SPPL2A: variants seen among roughly 807,000 people sequenced by gnomAD.
SPPL2A encodes signal peptide peptidase-like 2A.
In SPPL2A, 51 loss-of-function variants were observed where a neutral mutation model predicts 63.8. That is an observed-to-expected ratio of 0.80 (90% CI 0.64 to 1.01). The LOEUF (loss-of-function observed/expected upper bound fraction) is 1.01, where lower values mean the gene tolerates loss of function less well. Ranked by LOEUF, SPPL2A falls within the 50% of genes least tolerant of loss-of-function variation. SPPL2A has a pLI of 0.00. For missense variants in SPPL2A, 553 were observed against 622.7 expected (o/e 0.89, Z 1.19); for synonymous variants, 188 against 205.8 (o/e 0.91, Z 0.74).
intron 1 of SPPL2A, among the ~76,000 whole-genome samples, chr15:50,755,991 T>C (rs2062954346): frequency 6.6e-6 from 1 of 152,010 alleles, no homozygotes; most frequent in Non-Finnish European, 1.5e-5. Flanking sequence ...AGTAACAAGG[T>C]TATAAAAGAA....
At chr15:50,739,247 C>T (rs1315377897) in intron 6 of SPPL2A, among the ~76,000 whole-genome samples, 2 of 143,750 alleles carry the variant, frequency 1.4e-5, no homozygotes, top group African/African-American at 2.6e-5. Flanking sequence ...GGCGCAATGT[C>T]GGCTCACTGC....
chr15:50,737,458 G>C (rs754647527), intron 6 of SPPL2A, among the ~76,000 whole-genome samples: 2 of 152,000 alleles, frequency 1.3e-5, no homozygotes, highest in Non-Finnish European at 2.9e-5. Flanking sequence ...TTAACAAAAT[G>C]AGTTTTTTTT....
In SPPL2A at chr15:50,759,514, C is replaced by A. The variant is rs192100336; in HGVS notation, c.66+5954G>T. On this transcript the variant is annotated intron_variant, in intron 1 of 14. Transcript: ENST00000261854. ...ATCCCAACATTTTGGGAGGCCGAGG[C>A]AGGTGGATCACAAGGTCAGGAGAAC... 6.1e-3 allele frequency among the ~76,000 whole-genome samples: 933 copies of A among 152,162 alleles called. 12 individuals carry two copies. Among genetic ancestry groups the A allele is most frequent in the African/African-American group, 0.022 (895 of 41,530 alleles).
chr15:50,728,266 C>G (rs4511475), intron 10 of SPPL2A, among the ~76,000 whole-genome samples: 37,831 of 152,170 alleles, frequency 0.25, 5,697 homozygotes, highest in East Asian at 0.55. Flanking sequence ...TGAGATCTCT[C>G]ATGGGGTATC....
At chr15:50,744,933 AAATT>A (rs1459186590) in intron 5 of SPPL2A, among the ~76,000 whole-genome samples, 1 of 152,202 alleles carries the variant, frequency 6.6e-6, no homozygotes, top group African/African-American at 2.4e-5. Context: ...TAATCTGCAT[AAATT>A]AATTAGAACT....
At chr15:50,731,826 G>A (rs1170490624) in intron 9 of SPPL2A, among the ~76,000 whole-genome samples, 3 of 146,966 alleles carry the variant, frequency 2.0e-5, no homozygotes, top group Non-Finnish European at 4.4e-5. Flanking sequence ...TACTTGGGAG[G>A]CTGAGACAGG....
intron 1 of SPPL2A, among the ~76,000 whole-genome samples, chr15:50,753,418 C>T (rs183430313): frequency 1.1e-4 from 17 of 152,152 alleles, no homozygotes; most frequent in Admixed American, 8.5e-4. Flanking sequence ...TGCATAGCTT[C>T]GAAAATTCAG....
rs139684176 is a variant in SPPL2A, at chr15:50,736,191, C to T, written c.842G>A (p.Arg281His). ...AAGTCTCACTTCCATGTTTTTGCCACGACATGCAATCCTAAAAAACAGATT... is the reference window on the plus strand; with the variant it reads ...AAGTCTCACTTCCATGTTTTTGCCATGACATGCAATCCTAAAAAACAGATT... Reference protein sequence around the residue: ...IPYGQCTIACRGKNMEVRLIF... With the variant: ...IPYGQCTIACHGKNMEVRLIF... The change falls in exon 8 of 15, where the codon CGT becomes CAT. Residue 281 changes from arginine (R) to histidine (H), a missense_variant. Transcript: ENST00000261854. 1,768 of 1,605,558 alleles carry T rather than the reference C, an allele frequency of 1.1e-3. 3 individuals are homozygous for T. Among genetic ancestry groups the T allele is most frequent in the Non-Finnish European group, 1.5e-3 (1,713 of 1,172,768 alleles).
At chr15:50,746,424 G>A (rs1297585347) in intron 5 of SPPL2A, among the ~76,000 whole-genome samples, 37 of 122,110 alleles carry the variant, frequency 3.0e-4, no homozygotes, top group African/African-American at 1.0e-3. Context: ...GCAACAGAGC[G>A]AGACTCTGTA....
At chr15:50,718,381 C>T (rs1027898283) in intron 14 of SPPL2A, among the ~76,000 whole-genome samples, 1 of 152,168 alleles carries the variant, frequency 6.6e-6, no homozygotes. Flanking sequence ...CACTCATAAA[C>T]ATTTGCTAAA....
At chr15:50,737,743 G>A (rs1262052852) in intron 6 of SPPL2A, among the ~76,000 whole-genome samples, 1 of 152,038 alleles carries the variant, frequency 6.6e-6, no homozygotes, top group Non-Finnish European at 1.5e-5. Context: ...GAGAGCCACC[G>A]CATCTGGCCA....
At chr15:50,763,806 G>A (rs966501813) in intron 1 of SPPL2A, among the ~76,000 whole-genome samples, 1 of 152,214 alleles carries the variant, frequency 6.6e-6, no homozygotes, top group Non-Finnish European at 1.5e-5. Flanking sequence ...GCTGAGGCAG[G>A]AGAATTGCTT....
chr15:50,732,692 CA>C lies in SPPL2A; in HGVS notation c.933-9del. On this transcript the variant is annotated splice_polypyrimidine_tract_variant and intron_variant, in intron 8 of 14. Coordinates refer to ENST00000261854, the MANE Select transcript of SPPL2A (RefSeq NM_032802.4). ...TGTAAAATCCAAGCCCACCTAAAAT[CA>C]AAAAATATTACTCTATTGCTTTATC... The C allele has an allele frequency of 3.9e-6, 6 of 1,552,442 alleles. No homozygotes were observed. Among genetic ancestry groups the C allele is most frequent in the South Asian group, 1.1e-5 (1 of 88,646 alleles).
chr15:50,750,842 G>A (rs759729711), intron 1 of SPPL2A, among the ~76,000 whole-genome samples: 5 of 152,112 alleles, frequency 3.3e-5, no homozygotes, highest in African/African-American at 7.2e-5. Context: ...TTCTAAACCC[G>A]TAAGGAAGGA....
rs1307403504 is a variant in SPPL2A, at chr15:50,736,111, T to C, written c.922A>G (p.Asn308Asp). The C allele has an allele frequency of 3.1e-6, 5 of 1,601,778 alleles. No homozygotes were observed. The highest frequency in any genetic ancestry group is 1.3e-5 in the African/African-American group (1 of 74,650). The stretch of plus-strand genomic sequence containing the variant: ...ATTGAGTATTCATACCTGTCTTCAT[T>C]TCGAAACACAGCCCAAACAACAGCT... Reference protein sequence around the residue: ...AVAVVWAVFRNEDRWAWILQD... With the variant: ...AVAVVWAVFRDEDRWAWILQD... The change falls in exon 8 of 15, where the codon AAT becomes GAT. Residue 308 changes from asparagine (N) to aspartate (D), a missense_variant. Asn to Asp is a conservative substitution (Grantham distance 23). Transcript: ENST00000261854.
rs1224960123 is a variant in SPPL2A, at chr15:50,705,738, A to G, written c.*2062T>C. ...GCAATTTATTCAGCAAAAGCGAACA[A>G]TTTTTAAAAAGTCTCTAATGCAAAA... On this transcript the variant is annotated 3_prime_UTR_variant, in exon 15 of 15. Coordinates refer to ENST00000261854, the MANE Select transcript of SPPL2A (RefSeq NM_032802.4). 1.3e-5 allele frequency: 2 copies of G among 152,246 alleles called. No individual in the cohort carries two copies. The highest frequency in any genetic ancestry group is 2.9e-5 in the Non-Finnish European group (2 of 68,040). The allele number at this position is 152,246 out of a possible 1,614,324, so 9.4% of individuals were successfully genotyped here. A position where few individuals can be genotyped will look rare whatever the true frequency, so the allele number is the denominator to read the frequency against.
At chr15:50,712,196 T>C (rs2062564364) in intron 14 of SPPL2A, among the ~76,000 whole-genome samples, 1 of 152,206 alleles carries the variant, frequency 6.6e-6, no homozygotes, top group African/African-American at 2.4e-5. Flanking sequence ...GAGGCATATA[T>C]AAATACCTGC....
chr15:50,754,580 C>T lies in SPPL2A; in HGVS notation c.67-4834G>A, dbSNP rs530678840. On this transcript the variant is annotated intron_variant, in intron 1 of 14. Coordinates refer to ENST00000261854, the MANE Select transcript of SPPL2A (RefSeq NM_032802.4). ...CAATAAGGATGTTGAAAAAATAACA[C>T]AAAACAAGAAAGTATAGTCTTACTG... Among the ~76,000 whole-genome samples, 7 of 152,110 alleles carry T rather than the reference C, an allele frequency of 4.6e-5. No homozygotes were observed. The East Asian group carries it at 1.3e-3, about 29-fold the overall frequency.
At chr15:50,735,189 AGC>A (rs1480813644) in intron 8 of SPPL2A, among the ~76,000 whole-genome samples, 1 of 151,560 alleles carries the variant, frequency 6.6e-6, no homozygotes, top group Non-Finnish European at 1.5e-5. Flanking sequence ...TACAGGTATG[AGC>A]CACCATGCCC....
Sources: gnomAD v4.1 joint callset for allele counts (sites outside exome capture counted in the v4.1 genomes callset) on GRCh38, gnomAD v4.1.1 for gene constraint, MANE v1.5 for transcripts, NCBI Gene and HGNC (gene_info 2026-07-23, HGNC 2026-07-21) for gene names.